Variants in CTNNA3 observed in about 807,000 individuals in gnomAD.
CTNNA3 encodes the protein catenin alpha-3.
A neutral mutation model predicts 95.7 loss-of-function variants in CTNNA3; 76 were observed. That is an observed-to-expected ratio of 0.79 (90% confidence interval 0.66 to 0.96). The LOEUF is 0.96. CTNNA3 is among the 40% of genes least tolerant of loss of function. The pLI is 0.00. For synonymous variants in CTNNA3, 431 were observed against 374.4 expected (o/e 1.15, Z -1.74); for missense variants, 1,191 against 1,089.8 (o/e 1.09, Z -1.31).
chr10:67,147,768 A>T (rs1160788573), intron 7 of CTNNA3, among the ~76,000 whole-genome samples: 2 of 152,146 alleles, frequency 1.3e-5, no homozygotes, highest in African/African-American at 4.8e-5. Context: ...TTGGTTCAAC[A>T]TTGAACTCAA....
At chr10:66,862,583 A>G (rs1178307369) in intron 7 of CTNNA3, among the ~76,000 whole-genome samples, 1 of 152,190 alleles carries the variant, frequency 6.6e-6, no homozygotes, top group Admixed American at 6.5e-5. Flanking sequence ...GAGAGAAAAA[A>G]GCTAACAAAG....
chr10:67,177,229 T>C (rs1299834728), intron 7 of CTNNA3, among the ~76,000 whole-genome samples: 1 of 152,204 alleles, frequency 6.6e-6, no homozygotes, highest in Admixed American at 6.5e-5. Flanking sequence ...ATTGAACTTA[T>C]TGAACGTTGA....
intron 7 of CTNNA3, among the ~76,000 whole-genome samples, chr10:66,782,608 C>T (rs10997380): frequency 0.85 from 129,821 of 152,152 alleles, 55,931 homozygotes; most frequent in East Asian, 1. Flanking sequence ...GCCTCATCTT[C>T]TACACTGACA....
At chr10:67,490,862 AG>A (rs1463778356) in intron 5 of CTNNA3, among the ~76,000 whole-genome samples, 1 of 152,150 alleles carries the variant, frequency 6.6e-6, no homozygotes, top group African/African-American at 2.4e-5. Context: ...AGAAGAAATA[AG>A]AAAGGGAAAA....
intron 13 of CTNNA3, among the ~76,000 whole-genome samples, chr10:66,252,316 T>C (rs1295630157): frequency 3.3e-5 from 5 of 152,218 alleles, no homozygotes; most frequent in Admixed American, 3.3e-4. Context: ...GCATCAAATG[T>C]TTAAATATTT....
intron 10 of CTNNA3, among the ~76,000 whole-genome samples, chr10:66,585,921 G>T (rs935174507): frequency 2.0e-5 from 3 of 151,832 alleles, no homozygotes; most frequent in African/African-American, 2.4e-5. Context: ...ATTAGTTTTT[G>T]ATTCAATTGG....
chr10:66,045,475 T>C (rs2079809583), intron 15 of CTNNA3, among the ~76,000 whole-genome samples: 1 of 152,182 alleles, frequency 6.6e-6, no homozygotes, highest in South Asian at 2.1e-4. Context: ...TTACTGATTG[T>C]TATAACATTA....
intron 9 of CTNNA3, among the ~76,000 whole-genome samples, chr10:66,732,088 G>A (rs1347270744): frequency 1.3e-5 from 2 of 152,208 alleles, no homozygotes; most frequent in Admixed American, 6.5e-5. Context: ...AACTTTAGGG[G>A]AAATAATTGA....
intron 11 of CTNNA3, among the ~76,000 whole-genome samples, chr10:66,383,023 A>G (rs1472039874): frequency 2.0e-5 from 3 of 151,182 alleles, no homozygotes. Context: ...TCTAAAAATC[A>G]GAGCACCTCT....
chr10:67,332,019 G>A (rs142099473), intron 5 of CTNNA3, among the ~76,000 whole-genome samples: 2 of 152,128 alleles, frequency 1.3e-5, no homozygotes, highest in Non-Finnish European at 2.9e-5. Context: ...CTGAATGAAT[G>A]AAGTGCTAAG....
chr10:66,711,987 G>T (rs988964579), intron 9 of CTNNA3, among the ~76,000 whole-genome samples: 7 of 152,002 alleles, frequency 4.6e-5, no homozygotes, highest in African/African-American at 1.7e-4. Context: ...TTTTCTGACT[G>T]CTCCCATTTT....
At chr10:67,074,236 T>C (rs1402885528) in intron 7 of CTNNA3, among the ~76,000 whole-genome samples, 1 of 151,806 alleles carries the variant, frequency 6.6e-6, no homozygotes. Flanking sequence ...TTTCACCATT[T>C]GGCCAGGATG....
chr10:67,013,992 T>C (rs1852497011), intron 7 of CTNNA3, among the ~76,000 whole-genome samples: 2 of 152,026 alleles, frequency 1.3e-5, no homozygotes, highest in African/African-American at 2.4e-5. Flanking sequence ...TTATAAACAC[T>C]CCAGAGAATT....
chr10:67,031,478 T>C (rs1328842858), intron 7 of CTNNA3, among the ~76,000 whole-genome samples: 2 of 152,166 alleles, frequency 1.3e-5, no homozygotes, highest in Non-Finnish European at 2.9e-5. Context: ...TTCAAAGATT[T>C]TCAAGAAAAT....
At chr10:67,700,133 G>T (rs1189211967), upstream of CTNNA3, among the ~76,000 whole-genome samples, 1 of 152,182 alleles carries the variant, frequency 6.6e-6, no homozygotes, top group Non-Finnish European at 1.5e-5. Flanking sequence ...GCTCGAAATG[G>T]GTGGAGCCCA....
intron 15 of CTNNA3, among the ~76,000 whole-genome samples, chr10:66,050,089 T>C (rs2079915724): frequency 6.6e-6 from 1 of 152,156 alleles, no homozygotes; most frequent in South Asian, 2.1e-4. Context: ...AACCTGTAGA[T>C]TCATTTTCTT....
intron 9 of CTNNA3, among the ~76,000 whole-genome samples, chr10:66,659,004 G>T (rs72800711): frequency 0.13 from 19,419 of 151,952 alleles, 1,364 homozygotes; most frequent in Middle Eastern, 0.23. Context: ...TTTCTTCTCA[G>T]TCATATTCAT....
intron 10 of CTNNA3, among the ~76,000 whole-genome samples, chr10:66,565,283 C>T (rs1326983718): frequency 6.6e-6 from 1 of 152,026 alleles, no homozygotes; most frequent in Non-Finnish European, 1.5e-5. Flanking sequence ...CACCATTTTA[C>T]GTTCTGGGAA....
chr10:66,072,574 A>G (rs1349846656), intron 14 of CTNNA3, among the ~76,000 whole-genome samples: 1 of 152,028 alleles, frequency 6.6e-6, no homozygotes, highest in Non-Finnish European at 1.5e-5. Context: ...CCTCCCAAGT[A>G]GCTGGGACTA....
Sources: gnomAD v4.1 joint callset for allele counts (sites outside exome capture counted in the v4.1 genomes callset) on GRCh38, gnomAD v4.1.1 for gene constraint, MANE v1.5 for transcripts, NCBI Gene and HGNC (gene_info 2026-07-23, HGNC 2026-07-21) for gene names.